FRMD6: variants seen among roughly 807,000 people sequenced by gnomAD.
FRMD6 encodes FERM domain-containing protein 6.
FRMD6 carries 37 observed loss-of-function variants against 73.2 expected under a neutral mutation model. The ratio of observed to expected loss-of-function variants is 0.51; its 90% CI spans 0.39 to 0.66. FRMD6 has a LOEUF of 0.66. FRMD6 is among the 30% of genes least tolerant of loss of function. The pLI is 0.00. For missense variants in FRMD6, 714 were observed against 780.5 expected, an observed-to-expected ratio of 0.91 and a Z score of 1.02; for synonymous variants, 273 against 282.2, an observed-to-expected ratio of 0.97 and a Z score of 0.33.
At chr14:51,398,263 C>A in the FRMD6 span, among the ~76,000 whole-genome samples, 1 of 152,144 alleles carries the variant, frequency 6.6e-6, no homozygotes, top group East Asian at 1.9e-4. Context: ...ATTACAAGGG[C>A]CGTTCTGAGA....
the FRMD6 span, among the ~76,000 whole-genome samples, chr14:51,444,117 C>G: frequency 6.6e-6 from 1 of 152,082 alleles, no homozygotes; most frequent in Admixed American, 6.5e-5. Context: ...TTAGTTGAGA[C>G]AGGGTTTTGC....
At chr14:51,418,150 C>T in the FRMD6 span, among the ~76,000 whole-genome samples, 1 of 152,174 alleles carries the variant, frequency 6.6e-6, no homozygotes. Flanking sequence ...GAAGCCTACT[C>T]CTGTCAGCTT....
At chr14:51,659,053 T>A (rs1893032341) in intron 1 of FRMD6, among the ~76,000 whole-genome samples, 1 of 152,116 alleles carries the variant, frequency 6.6e-6, no homozygotes, top group South Asian at 2.1e-4. Flanking sequence ...AATAGCGTAA[T>A]CCGTATTGAA....
chr14:51,445,252 C>G, the FRMD6 span, among the ~76,000 whole-genome samples: 1 of 152,140 alleles, frequency 6.6e-6, no homozygotes, highest in African/African-American at 2.4e-5. Context: ...ACTGGGCCCC[C>G]CTCAGAGACC....
chr14:51,656,207 A>G (rs989396700), intron 1 of FRMD6, among the ~76,000 whole-genome samples: 1 of 152,230 alleles, frequency 6.6e-6, no homozygotes, highest in African/African-American at 2.4e-5. Flanking sequence ...GCAGTCATGC[A>G]GTATATATAC....
intron 1 of FRMD6, among the ~76,000 whole-genome samples, chr14:51,672,238 TG>T (rs1295814155): frequency 6.6e-6 from 1 of 152,192 alleles, no homozygotes; most frequent in Non-Finnish European, 1.5e-5. Flanking sequence ...GCCAAAGAAT[TG>T]TAGCATCTGC....
the FRMD6 span, among the ~76,000 whole-genome samples, chr14:51,403,565 T>TAATTTTTTG: frequency 1.3e-5 from 2 of 152,066 alleles, no homozygotes; most frequent in African/African-American, 2.4e-5. Context: ...TGTGCACAGC[T>TAATTTTTTG]AATTTTTTGT....
At chr14:51,622,513 AAAG>A (rs1386670713) in intron 2 of FRMD6, among the ~76,000 whole-genome samples, 1 of 152,134 alleles carries the variant, frequency 6.6e-6, no homozygotes, top group Non-Finnish European at 1.5e-5. Context: ...AGGAGGAACT[AAAG>A]AAGAAAAAGG....
At chr14:51,413,030 C>A in the FRMD6 span, among the ~76,000 whole-genome samples, 531 of 141,048 alleles carry the variant, frequency 3.8e-3, 5 homozygotes, top group Middle Eastern at 4.0e-3. Context: ...CTCTCTCTGT[C>A]GCCAGGCTGG....
intron 2 of FRMD6, among the ~76,000 whole-genome samples, chr14:51,644,854 G>A (rs1221408640): frequency 1.3e-5 from 2 of 152,182 alleles, no homozygotes; most frequent in South Asian, 2.1e-4. Context: ...GTTTTTACAA[G>A]AGAGCGTATT....
At chr14:51,426,533 A>G in the FRMD6 span, among the ~76,000 whole-genome samples, 8 of 152,310 alleles carry the variant, frequency 5.3e-5, no homozygotes, top group Admixed American at 2.6e-4. Flanking sequence ...AGAGAAGACT[A>G]TATGTATTTT....
the FRMD6 span, among the ~76,000 whole-genome samples, chr14:51,403,100 T>C: frequency 6.6e-6 from 1 of 152,184 alleles, no homozygotes; most frequent in Non-Finnish European, 1.5e-5. Context: ...TGATGCTTGA[T>C]GGTATTTTCA....
the FRMD6 span, among the ~76,000 whole-genome samples, chr14:51,477,752 T>TTA: frequency 4.2e-3 from 352 of 84,550 alleles, 1 homozygote; most frequent in African/African-American, 0.015. Context: ...TTTTTTTTTT[T>TTA]TTTTGGAGAC....
At chr14:51,611,778 T>C (rs1438653798) in intron 2 of FRMD6, among the ~76,000 whole-genome samples, 1 of 152,226 alleles carries the variant, frequency 6.6e-6, no homozygotes, top group African/African-American at 2.4e-5. Flanking sequence ...ACTTGCTGGA[T>C]TTCATGCCTT....
chr14:51,412,436 A>G, the FRMD6 span, among the ~76,000 whole-genome samples: 1 of 152,032 alleles, frequency 6.6e-6, no homozygotes. Context: ...TGAGAGCTCC[A>G]AATATAAAGA....
intron 9 of FRMD6, among the ~76,000 whole-genome samples, chr14:51,712,998 A>T (rs1393498728): frequency 6.6e-6 from 1 of 152,214 alleles, no homozygotes; most frequent in Non-Finnish European, 1.5e-5. Context: ...AGAGGTCTGC[A>T]GTTCTTAACA....
chr14:51,460,400 A>T, the FRMD6 span, among the ~76,000 whole-genome samples: 2 of 152,230 alleles, frequency 1.3e-5, no homozygotes, highest in East Asian at 3.8e-4. Context: ...GTTATTTTCA[A>T]TATACCTACA....
intron 2 of FRMD6, among the ~76,000 whole-genome samples, chr14:51,638,906 C>T (rs755596): frequency 0.19 from 29,525 of 151,998 alleles, 3,042 homozygotes; most frequent in African/African-American, 0.28. Flanking sequence ...ATTTTGTTCC[C>T]AGTCCTTCCT....
intron 1 of FRMD6, among the ~76,000 whole-genome samples, chr14:51,528,324 T>C (rs560182661): frequency 7.2e-5 from 11 of 152,232 alleles, no homozygotes; most frequent in African/African-American, 2.2e-4. Flanking sequence ...AATACTACAA[T>C]GTGAAGCACA....
Sources: gnomAD v4.1 joint callset for allele counts (sites outside exome capture counted in the v4.1 genomes callset) on GRCh38, gnomAD v4.1.1 for gene constraint, MANE v1.5 for transcripts, NCBI Gene and HGNC (gene_info 2026-07-23, HGNC 2026-07-21) for gene names.